PCCA: variants seen among roughly 807,000 people sequenced by gnomAD.
The protein encoded by PCCA is propionyl-CoA carboxylase subunit alpha.
In PCCA, 74 loss-of-function variants were observed where a neutral mutation model predicts 101.3. The ratio of observed to expected loss-of-function variants is 0.73; its 90% CI spans 0.61 to 0.89. The LOEUF (loss-of-function observed/expected upper bound fraction) is 0.89. PCCA is among the 40% of genes least tolerant of loss of function. The pLI is 0.00. For synonymous variants in PCCA, 294 were observed against 313.6 expected (o/e 0.94, Z 0.66); for missense variants, 891 against 907.0 (o/e 0.98, Z 0.23).
chr13:100,101,493 C>G (rs1243274689), intron 1 of PCCA, among the ~76,000 whole-genome samples: 1 of 152,124 alleles, frequency 6.6e-6, no homozygotes, highest in Non-Finnish European at 1.5e-5. Context: ...ACAGTTCCTT[C>G]TTGTTCTTGG....
intron 21 of PCCA, among the ~76,000 whole-genome samples, chr13:100,482,169 A>G (rs1283073242): frequency 6.6e-6 from 1 of 152,230 alleles, no homozygotes; most frequent in Non-Finnish European, 1.5e-5. Context: ...TAGGAAGAAC[A>G]GTGGTGGCGA....
intron 18 of PCCA, among the ~76,000 whole-genome samples, chr13:100,350,678 G>A (rs1419783061): frequency 6.6e-6 from 1 of 152,194 alleles, no homozygotes; most frequent in Non-Finnish European, 1.5e-5. Flanking sequence ...AGAGCTGAGG[G>A]AAAGGCAGAA....
At chr13:100,130,961 T>A (rs1461643260) in intron 4 of PCCA, among the ~76,000 whole-genome samples, 3 of 152,210 alleles carry the variant, frequency 2.0e-5, no homozygotes, top group African/African-American at 7.2e-5. Context: ...TAATTTATTT[T>A]CAATTGTGGT....
intron 19 of PCCA, among the ~76,000 whole-genome samples, chr13:100,400,334 T>C (rs2077263839): frequency 6.6e-6 from 1 of 152,152 alleles, no homozygotes; most frequent in Non-Finnish European, 1.5e-5. Context: ...CTGCCTTTTC[T>C]CCCCCAGTTC....
intron 4 of PCCA, among the ~76,000 whole-genome samples, chr13:100,152,181 G>A (rs1006466546): frequency 6.6e-6 from 1 of 152,120 alleles, no homozygotes; most frequent in Non-Finnish European, 1.5e-5. Flanking sequence ...TAGACTGTGG[G>A]CTTGTTGAGA....
chr13:100,421,753 C>T (rs1460745413), intron 19 of PCCA, among the ~76,000 whole-genome samples: 1 of 151,820 alleles, frequency 6.6e-6, no homozygotes. Context: ...GGCGCGATCT[C>T]AGCTCACTGC....
chr13:100,403,330 C>T (rs9557427), intron 19 of PCCA, among the ~76,000 whole-genome samples: 44,659 of 152,098 alleles, frequency 0.29, 7,755 homozygotes, highest in East Asian at 0.65. Context: ...GGCCGTTTCT[C>T]ACACTGCTGT....
intron 6 of PCCA, among the ~76,000 whole-genome samples, chr13:100,162,599 A>C (rs934360764): frequency 1.3e-5 from 2 of 152,082 alleles, no homozygotes; most frequent in Non-Finnish European, 2.9e-5. Flanking sequence ...CATCATAGAG[A>C]TCTAAAAAGT....
chr13:100,478,684 G>A (rs561051964), intron 21 of PCCA, among the ~76,000 whole-genome samples: 4 of 152,102 alleles, frequency 2.6e-5, no homozygotes, highest in Non-Finnish European at 5.9e-5. Context: ...CCTCAGGAGC[G>A]GTCACCCTGG....
chr13:100,446,622 A>G (rs1595931184), intron 20 of PCCA, among the ~76,000 whole-genome samples: 1 of 152,204 alleles, frequency 6.6e-6, no homozygotes, highest in Non-Finnish European at 1.5e-5. Context: ...GTCAAAACCT[A>G]GGAATCAACC....
rs182606997 is a variant in PCCA, at chr13:100,446,379, A to G, written c.1846-2873A>G. On this transcript the variant is annotated intron_variant, in intron 20 of 23. Transcript: ENST00000376285. ...TTTAATGTCTGTCTTAACCTATCTAATGTCTTCCTTATTAACCTTTCTGCT... is the reference window on the plus strand; with the variant it reads ...TTTAATGTCTGTCTTAACCTATCTAGTGTCTTCCTTATTAACCTTTCTGCT... Among the ~76,000 whole-genome samples, 247 of 152,180 alleles carry G rather than the reference A, an allele frequency of 1.6e-3. 3 individuals are homozygous for G. The highest frequency in any genetic ancestry group is 5.7e-3 in the African/African-American group (237 of 41,528).
intron 19 of PCCA, among the ~76,000 whole-genome samples, chr13:100,408,331 G>A (rs999563432): frequency 6.6e-6 from 1 of 152,156 alleles, no homozygotes; most frequent in Non-Finnish European, 1.5e-5. Flanking sequence ...AAAATACTTA[G>A]CAAACTTTGT....
At position 100,179,097 on chromosome 13, in the gene PCCA, T is replaced by A. The variant is rs867272267; in HGVS notation, c.468+21757T>A. On this transcript the variant is annotated intron_variant, in intron 6 of 23. Coordinates refer to ENST00000376285, the MANE Select transcript of PCCA (RefSeq NM_000282.4). Reference sequence around the variant, plus strand: ...TTCTCAAAAAAAAAAAAAAAATATATATATATATATATTTGTGCTTGTTTG... The same window carrying A: ...TTCTCAAAAAAAAAAAAAAAATATAAATATATATATATTTGTGCTTGTTTG... 5.2e-3 allele frequency among the ~76,000 whole-genome samples: 757 copies of A among 146,764 alleles called. 3 individuals carry two copies. The highest frequency in any genetic ancestry group is 0.043 in the Middle Eastern group (12 of 280).
Position 100,154,979 on chromosome 13 carries a change from G to T in PCCA, c.301G>T (p.Val101Phe). 1.2e-6 allele frequency: 2 copies of T among 1,610,970 alleles called. No individual in the cohort carries two copies. The highest frequency in any genetic ancestry group is 1.7e-4 in the Middle Eastern group (1 of 6,056). Residue 101 changes from valine to phenylalanine, a missense_variant and splice_region_variant, in exon 5 of 24, where the codon GTT becomes TTT. Val to Phe is a conservative substitution (Grantham distance 50). Coordinates refer to ENST00000376285, the MANE Select transcript of PCCA (RefSeq NM_000282.4). ...AIHSDVDASS[V>F]HVKMADEAVC... ...TTAATGCAGAAATTTGTCTCCTCAG[G>T]TTCATGTGAAAATGGCGGATGAGGC...
At chr13:100,093,118 A>G (rs1286057221) in intron 1 of PCCA, among the ~76,000 whole-genome samples, 1 of 151,430 alleles carries the variant, frequency 6.6e-6, no homozygotes, top group Non-Finnish European at 1.5e-5. Flanking sequence ...CAAGGATGAA[A>G]AAGGAATTTG....
chr13:100,155,633 G>A (rs1482089622), intron 5 of PCCA, among the ~76,000 whole-genome samples: 1 of 151,742 alleles, frequency 6.6e-6, no homozygotes, highest in African/African-American at 2.4e-5. Flanking sequence ...GGAATCCAAG[G>A]AAAAAAATGA....
At chr13:100,466,875 AAAAC>A (rs2082563086) in intron 21 of PCCA, among the ~76,000 whole-genome samples, 1 of 152,118 alleles carries the variant, frequency 6.6e-6, no homozygotes, top group African/African-American at 2.4e-5. Context: ...AAAACAAAAC[AAAAC>A]AAACACAGTT....
chr13:100,497,659 A>G (rs2085373175), intron 21 of PCCA, among the ~76,000 whole-genome samples: 1 of 152,036 alleles, frequency 6.6e-6, no homozygotes, highest in South Asian at 2.1e-4. Flanking sequence ...TTTGCAGCTG[A>G]CCATTAGTGA....
At chr13:100,186,738 C>CAAAAAAAAAAAAAAAAAAA (rs376028376) in intron 6 of PCCA, among the ~76,000 whole-genome samples, 3 of 84,086 alleles carry the variant, frequency 3.6e-5, no homozygotes, top group Admixed American at 1.3e-4. Context: ...GATTCCATCT[C>CAAAAAAAAAAAAAAAAAAA]AAAAAAAAAA....
Sources: allele counts gnomAD v4.1 joint callset (sites outside exome capture counted in the v4.1 genomes callset), GRCh38; gene constraint gnomAD v4.1.1; transcripts MANE v1.5; gene names NCBI Gene and HGNC (gene_info 2026-07-23, HGNC 2026-07-21).